The following FTO variants were observed in gnomAD, a reference collection of about 807,000 sequenced individuals.
FTO encodes the protein alpha-ketoglutarate-dependent dioxygenase FTO.
In FTO, 47 loss-of-function variants were observed where a neutral mutation model predicts 63.9. The observed-to-expected ratio is 0.74, with a 90% CI of 0.58 to 0.94. FTO has a LOEUF of 0.94. Ranked by LOEUF, FTO falls within the 40% of genes least tolerant of loss-of-function variation. The probability of loss-of-function intolerance (pLI) is 0.00; values close to 1 mark genes in which losing one functional copy is unlikely to be tolerated. For synonymous variants in FTO, 207 were observed against 224.4 expected, an observed-to-expected ratio of 0.92 and a Z score of 0.69; for missense variants, 562 against 618.1, an observed-to-expected ratio of 0.91 and a Z score of 0.96.
intron 8 of FTO, among the ~76,000 whole-genome samples, chr16:53,983,984 T>C (rs1268817777): frequency 6.6e-6 from 1 of 152,236 alleles, no homozygotes; most frequent in Non-Finnish European, 1.5e-5. Context: ...TAACTTCAGC[T>C]TTCAAAAATT....
chr16:54,065,113 T>TATTTA (rs2085690907), intron 8 of FTO, among the ~76,000 whole-genome samples: 1 of 113,690 alleles, frequency 8.8e-6, no homozygotes, highest in South Asian at 3.8e-4. Context: ...TATTTTATTT[T>TATTTA]ATTTTATTTT....
rs556635658 is a variant in FTO at position 53,936,389 on chromosome 16, A to G, written c.1364+2280A>G. Among the ~76,000 whole-genome samples, 5 of 152,310 alleles carry G rather than the reference A, an allele frequency of 3.3e-5. No individual in the cohort carries two copies. The East Asian group carries it at 9.6e-4, about 29-fold the overall frequency. ...TTCTCCCCACCACTTCTCCACCTCC[A>G]TTTGATGTTTCCCATCTTAGTGACC... On this transcript the variant is annotated intron_variant, in intron 8 of 8. Coordinates refer to ENST00000471389, the MANE Select transcript of FTO (RefSeq NM_001080432.3).
At chr16:53,914,260 CTT>C (rs57500134) in intron 7 of FTO, among the ~76,000 whole-genome samples, 1 of 144,364 alleles carries the variant, frequency 6.9e-6, no homozygotes, top group Non-Finnish European at 1.5e-5. Context: ...TTTCTTTTTT[CTT>C]TTTTTTTTTG....
chr16:53,746,891 C>G (rs1308420809), intron 1 of FTO, among the ~76,000 whole-genome samples: 2 of 152,148 alleles, frequency 1.3e-5, no homozygotes, highest in Admixed American at 6.5e-5. Context: ...ACCCACCATT[C>G]TATTCTTTGC....
At chr16:53,976,209 G>A (rs1281451105) in intron 8 of FTO, among the ~76,000 whole-genome samples, 1 of 151,950 alleles carries the variant, frequency 6.6e-6, no homozygotes, top group African/African-American at 2.4e-5. Flanking sequence ...TAAAAACTAT[G>A]TTTTTAAAGA....
chr16:53,905,681 C>T (rs1407953768), intron 7 of FTO, among the ~76,000 whole-genome samples: 1 of 151,926 alleles, frequency 6.6e-6, no homozygotes, highest in Non-Finnish European at 1.5e-5. Flanking sequence ...TATCACTGTC[C>T]GAAATTATGT....
At chr16:53,984,050 T>C (rs921713731) in intron 8 of FTO, among the ~76,000 whole-genome samples, 2 of 152,088 alleles carry the variant, frequency 1.3e-5, no homozygotes, top group Non-Finnish European at 2.9e-5. Flanking sequence ...CCAAGGGAGG[T>C]GTTTGGAGCC....
intron 1 of FTO, among the ~76,000 whole-genome samples, chr16:53,772,361 C>T (rs188398597): frequency 2.0e-5 from 3 of 152,094 alleles, no homozygotes; most frequent in Admixed American, 2.0e-4. Context: ...TCACTTGCTT[C>T]CTTTAGCTCT....
intron 1 of FTO, among the ~76,000 whole-genome samples, chr16:53,740,612 T>C (rs2076509073): frequency 6.6e-6 from 1 of 152,198 alleles, no homozygotes; most frequent in Non-Finnish European, 1.5e-5. Flanking sequence ...CTTGTAATGC[T>C]TCCTTTCAAA....
chr16:53,796,355 T>G (rs1019276387), intron 1 of FTO, among the ~76,000 whole-genome samples: 6 of 152,268 alleles, frequency 3.9e-5, no homozygotes, highest in Non-Finnish European at 8.8e-5. Flanking sequence ...AGTTTTTAAT[T>G]AAAACAAGTG....
chr16:53,738,058 T>C (rs1400741812), intron 1 of FTO, among the ~76,000 whole-genome samples: 1 of 144,744 alleles, frequency 6.9e-6, no homozygotes, highest in East Asian at 2.0e-4. Flanking sequence ...GGAGTTTTGC[T>C]CTTGTTGCCC....
intron 8 of FTO, among the ~76,000 whole-genome samples, chr16:54,064,981 G>A (rs934017170): frequency 6.6e-6 from 1 of 152,056 alleles, no homozygotes; most frequent in Non-Finnish European, 1.5e-5. Context: ...ATTCTGATGT[G>A]CAAGGATGCT....
At chr16:53,991,565 A>T (rs2083812091) in intron 8 of FTO, 2 of 152,148 alleles carry the variant, frequency 1.3e-5, no homozygotes, top group Admixed American at 6.5e-5. Context: ...CTTTAACACA[A>T]TTTTTTACCT....
chr16:53,734,032 C>G (rs750549497), intron 1 of FTO, among the ~76,000 whole-genome samples: 2 of 152,208 alleles, frequency 1.3e-5, no homozygotes, highest in Admixed American at 1.3e-4. Flanking sequence ...TCATTTGAAT[C>G]AACTCATGAC....
chr16:53,895,095 C>A (rs2081244535), intron 7 of FTO, among the ~76,000 whole-genome samples: 1 of 152,116 alleles, frequency 6.6e-6, no homozygotes, highest in Non-Finnish European at 1.5e-5. Context: ...TCCTACCCAC[C>A]CACTCTAATT....
Position 53,802,934 on chromosome 16 carries a change from T to G in FTO, c.46-7206T>G, listed in dbSNP as rs187389190. 1.0e-3 allele frequency among the ~76,000 whole-genome samples: 153 copies of G among 152,346 alleles called. 1 individual carries two copies. The highest frequency in any genetic ancestry group is 1.9e-3 in the Non-Finnish European group (132 of 68,022). On this transcript the variant is annotated intron_variant, in intron 1 of 8. Coordinates refer to ENST00000471389, the MANE Select transcript of FTO (RefSeq NM_001080432.3). ...TTTCTCTACTTACCATGCTCAATCT[T>G]TTCTCAACTTTTTGAACTTGTGAAC...
intron 1 of FTO, among the ~76,000 whole-genome samples, chr16:53,778,105 T>TTTC (rs1348647999): frequency 5.3e-5 from 8 of 152,198 alleles, no homozygotes; most frequent in African/African-American, 1.9e-4. Context: ...ACCAAGGACA[T>TTTC]GCTTAAGTGA....
chr16:53,953,304 A>G (rs931092821), intron 8 of FTO, among the ~76,000 whole-genome samples: 1 of 152,226 alleles, frequency 6.6e-6, no homozygotes, highest in African/African-American at 2.4e-5. Context: ...TGGAAAGTAA[A>G]CGTTGTCTAT....
intron 8 of FTO, among the ~76,000 whole-genome samples, chr16:54,097,240 G>GCAGAAC (rs1407869403): frequency 6.6e-6 from 1 of 152,114 alleles, no homozygotes; most frequent in Non-Finnish European, 1.5e-5. Flanking sequence ...TAAAGTAGTG[G>GCAGAAC]CAGAACTGGG....
Sources: allele counts gnomAD v4.1 joint callset (sites outside exome capture counted in the v4.1 genomes callset), GRCh38; gene constraint gnomAD v4.1.1; transcripts MANE v1.5; gene names NCBI Gene and HGNC (gene_info 2026-07-23, HGNC 2026-07-21).